ARHGAP31: variants seen among roughly 807,000 people sequenced by gnomAD.
ARHGAP31 encodes the protein Rho GTPase activating protein 31.
A neutral mutation model predicts 113.9 loss-of-function variants in ARHGAP31; 34 were observed. The ratio of observed to expected loss-of-function variants is 0.30; its 90% CI spans 0.23 to 0.40. The LOEUF is 0.40. Among genes scored for constraint, ARHGAP31 ranks in the 10% least tolerant of loss-of-function variants. The pLI is 1.00. For synonymous variants in ARHGAP31, 650 were observed against 684.8 expected (o/e 0.95, Z 0.79); for missense variants, 1,548 against 1,767.1 (o/e 0.88, Z 2.22).
At chr3:119,337,309 T>C (rs1260266014) in intron 1 of ARHGAP31, among the ~76,000 whole-genome samples, 2 of 152,142 alleles carry the variant, frequency 1.3e-5, no homozygotes, top group Non-Finnish European at 2.9e-5. Context: ...GCGTTGAGTG[T>C]TACAGTTCAT....
In ARHGAP31 at chr3:119,360,311, G is replaced by A. The variant is rs576822131; in HGVS notation, c.101-5005G>A. The stretch of plus-strand genomic sequence containing the variant: ...GGTCAGGAATGCAGGATCCAGAGAG[G>A]GGACGAAATCTGACCAAGTCAAGAC... On this transcript the variant is annotated intron_variant, in intron 1 of 11. Coordinates refer to ENST00000264245, the MANE Select transcript of ARHGAP31 (RefSeq NM_020754.4). Among the ~76,000 whole-genome samples, 7 of 152,280 alleles carry A rather than the reference G, an allele frequency of 4.6e-5. 1 individual carries two copies. The highest frequency in any genetic ancestry group is 1.7e-4 in the African/African-American group (7 of 41,558).
At chr3:119,340,140 T>G (rs554086018) in intron 1 of ARHGAP31, among the ~76,000 whole-genome samples, 60 of 152,154 alleles carry the variant, frequency 3.9e-4, no homozygotes, top group Non-Finnish European at 7.6e-4. Context: ...TCAAAGAAGA[T>G]AGACAAATGG....
In ARHGAP31 at chr3:119,414,805, C is replaced by A; in HGVS notation, c.2876C>A (p.Pro959His). Residue 959 changes from proline to histidine, a missense_variant, in exon 12 of 12, where the codon CCC (proline) becomes CAC (histidine). Physicochemically the swap from Pro to His is moderately conservative, Grantham distance 77. Coordinates refer to ENST00000264245, the MANE Select transcript of ARHGAP31 (RefSeq NM_020754.4). ...CAGAGCCATTCTCTAGATAGCAAAC[C>A]CACGGTTAAAAGCCAGTGGACTCTC... ...LRQSHSLDSKPTVKSQWTLEV... is the reference protein window; with the variant it reads ...LRQSHSLDSKHTVKSQWTLEV... The A allele has an allele frequency of 1.2e-6, 2 of 1,614,208 alleles. No individual in the cohort carries two copies. Among genetic ancestry groups the A allele is most frequent in the Non-Finnish European group, 1.7e-6 (2 of 1,180,032 alleles).
At chr3:119,332,831 C>A (rs2079907354) in intron 1 of ARHGAP31, among the ~76,000 whole-genome samples, 2 of 152,138 alleles carry the variant, frequency 1.3e-5, no homozygotes, top group African/African-American at 4.8e-5. Context: ...CCTGACAGTG[C>A]TAAGCAGAGG....
rs2080791841 is a variant in ARHGAP31 at position 119,417,854 on chromosome 3, T to G, written c.*1590T>G. The G allele has an allele frequency of 6.6e-6, 1 of 152,134 alleles. No homozygotes were observed. Among genetic ancestry groups the G allele is most frequent in the African/African-American group, 2.4e-5 (1 of 41,432 alleles). The allele number at this position is 152,134 out of a possible 1,614,324, so 9.4% of individuals were successfully genotyped here. ...ATCTCTTCTCAGGTTCAAGCCTGGC[T>G]GAATTCTGCCCAGAAGCTCAGTCAT... On this transcript the variant is annotated 3_prime_UTR_variant, in exon 12 of 12. Transcript: ENST00000264245.
At chr3:119,326,905 A>G (rs893685938) in intron 1 of ARHGAP31, among the ~76,000 whole-genome samples, 2 of 152,200 alleles carry the variant, frequency 1.3e-5, no homozygotes, top group Admixed American at 6.5e-5. Flanking sequence ...TAGGAGGCCA[A>G]GGCAGGTGGA....
rs1055996124 is a variant in ARHGAP31 at position 119,341,513 on chromosome 3, C to G, written c.101-23803C>G. 3.9e-5 allele frequency among the ~76,000 whole-genome samples: 6 copies of G among 152,100 alleles called. No homozygotes were observed. The South Asian group carries it at 8.3e-4, about 21-fold the overall frequency. On this transcript the variant is annotated intron_variant, in intron 1 of 11. Transcript: ENST00000264245. ...GCACCAAGAGGTTAAGAAATTTGCT[C>G]AAGGTCACATAGCTTGTAAGAAGAA...
At chr3:119,410,625 A>G (rs2080707221) in intron 11 of ARHGAP31, among the ~76,000 whole-genome samples, 1 of 152,242 alleles carries the variant, frequency 6.6e-6, no homozygotes, top group African/African-American at 2.4e-5. Flanking sequence ...TTGAATTATT[A>G]CAGGGAGGAC....
At chr3:119,321,278 A>ACT (rs1410266669) in intron 1 of ARHGAP31, among the ~76,000 whole-genome samples, 65 of 118,746 alleles carry the variant, frequency 5.5e-4, no homozygotes, top group African/African-American at 1.9e-3. Context: ...ATATATATAT[A>ACT]CTATATATAT....
intron 1 of ARHGAP31, among the ~76,000 whole-genome samples, chr3:119,301,762 T>A (rs1173521241): frequency 3.3e-5 from 5 of 152,184 alleles, no homozygotes; most frequent in African/African-American, 1.2e-4. Context: ...TCCAGGACTC[T>A]GGGCATAAGA....
rs2080803175 is a variant in ARHGAP31, at chr3:119,419,195, A to G, written c.*2931A>G. ...TGCCCTAGAAAGGGCTATGCAATCA[A>G]ATTCTCAAGGGCTCCTTCAAATCAG... is the stretch of plus-strand genomic sequence containing the variant. On this transcript the variant is annotated 3_prime_UTR_variant, in exon 12 of 12. Transcript: ENST00000264245. 2 of 152,178 alleles carry G rather than the reference A, an allele frequency of 1.3e-5. No homozygotes were observed. The allele number at this position is 152,178 out of a possible 1,614,324, so 9.4% of individuals were successfully genotyped here.
At chr3:119,366,380 C>T (rs978244470) in intron 2 of ARHGAP31, among the ~76,000 whole-genome samples, 1 of 151,656 alleles carries the variant, frequency 6.6e-6, no homozygotes, top group Non-Finnish European at 1.5e-5. Context: ...TGCCCTTTTC[C>T]TCCAGATTTG....
At chr3:119,300,837 AAAAAAAAAGAAAGAAAG>A (rs1211927033) in intron 1 of ARHGAP31, among the ~76,000 whole-genome samples, 2 of 137,832 alleles carry the variant, frequency 1.5e-5, no homozygotes, top group African/African-American at 5.8e-5. Flanking sequence ...TCTCAAAAAA[AAAAAAAAAGAAAGAAAG>A]AAAGAAAGAA....
chr3:119,382,975 C>T, intron 5 of ARHGAP31, 109 bp from the exon 6 acceptor site: 1 of 1,342,886 alleles, frequency 7.4e-7, no homozygotes, highest in Non-Finnish European at 1.1e-6. Context: ...ATTCTATGAA[C>T]TGTATCAATT....
chr3:119,387,384 A>G (rs2080462513), intron 6 of ARHGAP31, among the ~76,000 whole-genome samples: 1 of 152,248 alleles, frequency 6.6e-6, no homozygotes, highest in African/African-American at 2.4e-5. Context: ...TAATATTGGA[A>G]TAAAAAGTAA....
chr3:119,350,201 AG>A (rs1416504624), intron 1 of ARHGAP31, among the ~76,000 whole-genome samples: 1 of 152,204 alleles, frequency 6.6e-6, no homozygotes, highest in Non-Finnish European at 1.5e-5. Flanking sequence ...TGTTTTCAGC[AG>A]GAAAGAGAGG....
intron 1 of ARHGAP31, among the ~76,000 whole-genome samples, chr3:119,306,136 A>G (rs542980809): frequency 4.6e-5 from 7 of 152,368 alleles, no homozygotes; most frequent in African/African-American, 1.7e-4. Flanking sequence ...GAAAGACTAA[A>G]AATGTAATTC....
chr3:119,334,695 A>T (rs1458992372), intron 1 of ARHGAP31, among the ~76,000 whole-genome samples: 1 of 152,218 alleles, frequency 6.6e-6, no homozygotes, highest in Non-Finnish European at 1.5e-5. Flanking sequence ...TCTCCCATTG[A>T]ACAACGAAGT....
At chr3:119,337,524 CTG>C (rs2107610917) in intron 1 of ARHGAP31, among the ~76,000 whole-genome samples, 2 of 152,342 alleles carry the variant, frequency 1.3e-5, no homozygotes, top group South Asian at 4.1e-4. Flanking sequence ...TGATTTGCCA[CTG>C]TGGGTGCCAG....
Sources: allele counts gnomAD v4.1 joint callset (sites outside exome capture counted in the v4.1 genomes callset), GRCh38; gene constraint gnomAD v4.1.1; transcripts MANE v1.5; gene names NCBI Gene and HGNC (gene_info 2026-07-23, HGNC 2026-07-21).